UAP1: variants seen among roughly 807,000 people sequenced by gnomAD.
The protein encoded by UAP1 is UDP-N-acetylglucosamine pyrophosphorylase 1, also known as UDP-N-acetylhexosamine pyrophosphorylase.
A neutral mutation model predicts 58.5 loss-of-function variants in UAP1; 25 were observed. The ratio of observed to expected loss-of-function variants is 0.43; its 90% CI spans 0.31 to 0.60. UAP1 has a LOEUF of 0.60. Among genes scored for constraint, UAP1 ranks in the 20% least tolerant of loss-of-function variants. UAP1 has a pLI of 0.11. For missense variants in UAP1, 575 were observed against 630.0 expected (o/e 0.91, Z 0.93); for synonymous variants, 208 against 213.0 (o/e 0.98, Z 0.21).
chr1:162,590,051 C>G (rs1263786523), intron 7 of UAP1, among the ~76,000 whole-genome samples: 1 of 145,086 alleles, frequency 6.9e-6, no homozygotes, highest in Non-Finnish European at 1.5e-5. Flanking sequence ...TTTTCCAGAA[C>G]AGATACTAAT....
chr1:162,595,454 A>G (rs1454438194), intron 9 of UAP1, among the ~76,000 whole-genome samples: 1 of 151,204 alleles, frequency 6.6e-6, no homozygotes, highest in Non-Finnish European at 1.5e-5. Context: ...TTGGTTTTGT[A>G]TGACTTTGAG....
chr1:162,571,818 C>T (rs1177959590), intron 2 of UAP1, among the ~76,000 whole-genome samples: 1 of 152,084 alleles, frequency 6.6e-6, no homozygotes, highest in African/African-American at 2.4e-5. Flanking sequence ...GCAACTTTAT[C>T]GTAGTAACAG....
Position 162,581,471 on chromosome 1 carries a change from C to G in UAP1, c.834+12C>G. The G allele has an allele frequency of 6.2e-7, 1 of 1,610,418 alleles. No individual in the cohort carries two copies. Among genetic ancestry groups the G allele is most frequent in the East Asian group, 2.2e-5 (1 of 44,872 alleles). On this transcript the variant is annotated intron_variant, in intron 5 of 10. Coordinates refer to ENST00000271469, the Ensembl canonical transcript of UAP1. ...ACTGTGGAGCAAAGGTAATGCCTTT[C>G]TCAACTATGGTGAGGCTTTTGATGG...
intron 5 of UAP1, among the ~76,000 whole-genome samples, chr1:162,584,411 A>G (rs1184376388): frequency 6.6e-6 from 1 of 152,240 alleles, no homozygotes; most frequent in Non-Finnish European, 1.5e-5. Context: ...TAAAATATGT[A>G]TCTTAAAGCA....
intron 3 of UAP1, among the ~76,000 whole-genome samples, chr1:162,578,629 G>A (rs1488251284): frequency 6.6e-6 from 1 of 152,072 alleles, no homozygotes; most frequent in Non-Finnish European, 1.5e-5. Context: ...CTGTTCTTAT[G>A]CAGAGAAGTT....
chr1:162,595,940 C>T (rs1336541496), intron 9 of UAP1, among the ~76,000 whole-genome samples: 1 of 152,112 alleles, frequency 6.6e-6, no homozygotes, highest in Non-Finnish European at 1.5e-5. Context: ...CAACCTTCAC[C>T]TCCTGGGCTC....
intron 2 of UAP1, among the ~76,000 whole-genome samples, 190 bp from the exon 3 acceptor site, chr1:162,576,587 A>C (rs1364829322): frequency 1.3e-5 from 2 of 152,186 alleles, no homozygotes; most frequent in African/African-American, 4.8e-5. Context: ...CAATAAAAGC[A>C]GCAAGCAGGC....
exon 8 of UAP1, chr1:162,590,325 A>G (rs1318613602): frequency 6.2e-7 from 1 of 1,609,714 alleles, no homozygotes; most frequent in Non-Finnish European, 8.5e-7. Flanking sequence ...CGCTCTAGGA[A>G]GTTTGTGGTA....
At chr1:162,590,567 G>T in intron 8 of UAP1, 56 bp downstream of exon 8, 2 of 1,432,180 alleles carry the variant, frequency 1.4e-6, no homozygotes, top group East Asian at 2.4e-5. Context: ...TTTCCTCTTG[G>T]ACTTCTCTCT....
chr1:162,587,579 A>G lies in UAP1; in HGVS notation c.939A>G (p.Gln313=), dbSNP rs143369184. Residue 313 remains glutamine (Q), a synonymous_variant, in exon 6 of 11, where the codon CAA becomes CAG. Transcript: ENST00000271469. ...GTGAGATTTCCCTGGCAACAGCTCA[A>G]AAACGAAGCTCAGACGGACGACTGC... is the stretch of plus-strand genomic sequence containing the variant. The G allele has an allele frequency of 1.2e-3, 1,866 of 1,614,070 alleles. 5 individuals carry two copies. Among genetic ancestry groups the G allele is most frequent in the Non-Finnish European group, 1.5e-3 (1,816 of 1,180,014 alleles).
intron 9 of UAP1, among the ~76,000 whole-genome samples, chr1:162,595,369 G>A (rs1213552241): frequency 3.3e-5 from 5 of 152,056 alleles, no homozygotes; most frequent in Non-Finnish European, 7.4e-5. Flanking sequence ...GGTGGGACTG[G>A]GCTATATACA....
chr1:162,591,706 G>T (rs533055588), intron 8 of UAP1, among the ~76,000 whole-genome samples: 1 of 151,700 alleles, frequency 6.6e-6, no homozygotes, highest in Admixed American at 6.6e-5. Context: ...GGCTAGTCCC[G>T]AAATCCTGAC....
intron 2 of UAP1, among the ~76,000 whole-genome samples, chr1:162,569,951 C>T (rs1192595678): frequency 2.0e-5 from 3 of 152,060 alleles, no homozygotes; most frequent in Non-Finnish European, 4.4e-5. Context: ...AGATCGAGAC[C>T]ATCCTGGCTA....
At chr1:162,573,248 A>G (rs1480070487) in intron 2 of UAP1, among the ~76,000 whole-genome samples, 2 of 151,910 alleles carry the variant, frequency 1.3e-5, no homozygotes, top group African/African-American at 4.8e-5. Context: ...TTTTTCATTT[A>G]GGATGGTGGG....
intron 6 of UAP1, 26 bp downstream of exon 6, chr1:162,587,694 A>G: frequency 6.3e-7 from 1 of 1,592,890 alleles, no homozygotes; most frequent in Admixed American, 1.7e-5. Context: ...GGGCCTTTTA[A>G]AATTATATTT....
intron 2 of UAP1, among the ~76,000 whole-genome samples, chr1:162,573,839 C>T (rs1654012209): frequency 6.6e-6 from 1 of 151,790 alleles, no homozygotes; most frequent in South Asian, 2.1e-4. Context: ...TGGTGTGCAC[C>T]TGTAGTCTCA....
chr1:162,575,543 T>A (rs2101763420), intron 2 of UAP1, among the ~76,000 whole-genome samples: 1 of 151,616 alleles, frequency 6.6e-6, no homozygotes, highest in South Asian at 2.1e-4. Flanking sequence ...GCAATTCTCA[T>A]GCCTCAGCCT....
At chr1:162,570,125 G>GGCGACAGAGCGAGAC in intron 2 of UAP1, among the ~76,000 whole-genome samples, 1 of 149,370 alleles carries the variant, frequency 6.7e-6, no homozygotes, top group Non-Finnish European at 1.5e-5. Flanking sequence ...CTCCAGCCTG[G>GGCGACAGAGCGAGAC]TTGACAGAGC....
rs117764078 is a variant in UAP1 at position 162,591,873 on chromosome 1, T to C, written c.1359-859T>C. ...GATCTTGGCTCACTGCAACCTTCAC[T>C]TCCTGGGCTTAAACAATACACCCGC... On this transcript the variant is annotated intron_variant, in intron 8 of 10. Coordinates refer to ENST00000271469, the Ensembl canonical transcript of UAP1. Among the ~76,000 whole-genome samples the C allele has an allele frequency of 2.0e-3, 304 of 151,886 alleles. 6 individuals are homozygous for C. In the East Asian group the frequency reaches 0.049, roughly 25 times the overall value.
Sources: gnomAD v4.1 joint callset for allele counts (sites outside exome capture counted in the v4.1 genomes callset) on GRCh38, gnomAD v4.1.1 for gene constraint, MANE v1.5 for transcripts, NCBI Gene and HGNC (gene_info 2026-07-23, HGNC 2026-07-21) for gene names.